The following IFI44L variants were observed in gnomAD, a reference collection of about 807,000 sequenced individuals.
The protein encoded by IFI44L is interferon induced protein 44 like, also known as interferon-induced protein 44-like.
A neutral mutation model predicts 39.3 loss-of-function variants in IFI44L; 40 were observed. The observed-to-expected ratio is 1.02, with a 90% confidence interval of 0.79 to 1.33. IFI44L has a LOEUF of 1.33. Among genes scored for constraint, IFI44L ranks in the 40% most tolerant of loss-of-function variants. The pLI is 0.00. For missense variants in IFI44L, 623 were observed against 549.0 expected, an observed-to-expected ratio of 1.13 and a Z score of -1.35; for synonymous variants, 198 against 182.3, an observed-to-expected ratio of 1.09 and a Z score of -0.69.
At position 78,630,035 on chromosome 1, in the gene IFI44L, T is replaced by C. The variant is rs1457738429; in HGVS notation, c.723+120T>C. 5 of 984,560 alleles carry C rather than the reference T, an allele frequency of 5.1e-6. No individual in the cohort carries two copies. The East Asian group carries it at 1.0e-4, about 21-fold the overall frequency. 61.0% of individuals were successfully genotyped at this position (984,560 alleles called of 1,614,324 possible). A position where few individuals can be genotyped will look rare whatever the true frequency, so the allele number is the denominator to read the frequency against. ...ATTAAATGCTAAATCAAATGGAAAA[T>C]AGGAGTAAAATTTTGATCAGAACCA... On this transcript the variant is annotated intron_variant, in intron 4 of 8. Coordinates refer to ENST00000370751, the MANE Select transcript of IFI44L (RefSeq NM_006820.4).
At chr1:78,627,127 A>AT (rs1286831548) in intron 1 of IFI44L, 3 of 152,060 alleles carry the variant, frequency 2.0e-5, no homozygotes, top group Non-Finnish European at 1.5e-5. Flanking sequence ...CACGTCAGAA[A>AT]TGTGCTCCCA....
chr1:78,638,103 C>T (rs1209595044), intron 6 of IFI44L, among the ~76,000 whole-genome samples: 3 of 152,018 alleles, frequency 2.0e-5, no homozygotes, highest in South Asian at 2.1e-4. Context: ...TATTTGGTAT[C>T]GTTGCTATTA....
chr1:78,627,844 A>G, intron 1 of IFI44L, 62 bp from the exon 2 acceptor site: 1 of 942,326 alleles, frequency 1.1e-6, no homozygotes, highest in Non-Finnish European at 1.4e-6. Context: ...TAGAAGTGGA[A>G]ACCTAAGCTA....
chr1:78,636,119 C>G (rs945671226), intron 5 of IFI44L: 9 of 152,134 alleles, frequency 5.9e-5, no homozygotes, highest in African/African-American at 1.9e-4. Context: ...GTATCAGCCT[C>G]AATTTCTAAA....
chr1:78,633,369 A>C (rs773380872), intron 4 of IFI44L, among the ~76,000 whole-genome samples: 7 of 152,180 alleles, frequency 4.6e-5, no homozygotes, highest in Non-Finnish European at 1.0e-4. Context: ...ATGTGGCCCT[A>C]GGCTTCAAGC....
At chr1:78,632,941 A>G (rs1652807490) in intron 4 of IFI44L, among the ~76,000 whole-genome samples, 1 of 152,200 alleles carries the variant, frequency 6.6e-6, no homozygotes, top group Non-Finnish European at 1.5e-5. Context: ...TGATTAAAAC[A>G]ACACTTAAGA....
rs554397412 is a variant in IFI44L at position 78,627,229 on chromosome 1, A to G, written c.-10-677A>G. 2.0e-5 allele frequency: 3 copies of G among 152,138 alleles called. No individual in the cohort carries two copies. In the South Asian group the frequency reaches 6.2e-4, roughly 32 times the overall value. 9.4% of individuals were successfully genotyped at this position (152,138 alleles called of 1,614,324 possible). ...CCTTGTTTGCTCTTTAGAGCTTTGT[A>G]ACACATGCATTTTTATAGTTTATTC... On this transcript the variant is annotated intron_variant, in intron 1 of 8. Coordinates refer to ENST00000370751, the MANE Select transcript of IFI44L (RefSeq NM_006820.4).
In IFI44L at chr1:78,623,396, G is replaced by GTTTTTTTT. The variant is rs71078508; in HGVS notation, c.-11+2848_-11+2855dup. Among the ~76,000 whole-genome samples the GTTTTTTTT allele has an allele frequency of 9.0e-4, 109 of 121,228 alleles. 1 individual carries two copies. Among genetic ancestry groups the GTTTTTTTT allele is most frequent in the African/African-American group, 1.4e-3 (40 of 28,988 alleles). 79.5% of individuals were successfully genotyped at this position (121,228 alleles called of 152,430 possible). A position where few individuals can be genotyped will look rare whatever the true frequency, so the allele number is the denominator to read the frequency against. ...TCTACTCCTGGTTTAAGTGTTTTTT[G>GTTTTTTTT]TTTTTTTTTTTTTTTTTTTTTTTTT... is the stretch of plus-strand genomic sequence containing the variant. On this transcript the variant is annotated intron_variant, in intron 1 of 8. Coordinates refer to ENST00000370751, the MANE Select transcript of IFI44L (RefSeq NM_006820.4).
Position 78,643,175 on chromosome 1 carries a change from A to T in IFI44L, c.*1366A>T, listed in dbSNP as rs1647008247. The T allele has an allele frequency of 8.1e-6, 1 of 123,654 alleles. No individual in the cohort carries two copies. Among genetic ancestry groups the T allele is most frequent in the Non-Finnish European group, 1.9e-5 (1 of 52,546 alleles). The allele number at this position is 123,654 out of a possible 1,614,324, so 7.7% of individuals were successfully genotyped here. Reference sequence around the variant, plus strand: ...AAGAGTTTCTTATGTCCAGTTATGGAATATTTCCTAAAGCAAGGCTGCAGG... The same window carrying T: ...AAGAGTTTCTTATGTCCAGTTATGGTATATTTCCTAAAGCAAGGCTGCAGG... On this transcript the variant is annotated 3_prime_UTR_variant, in exon 9 of 9. Coordinates refer to ENST00000370751, the MANE Select transcript of IFI44L (RefSeq NM_006820.4).
intron 1 of IFI44L, among the ~76,000 whole-genome samples, chr1:78,624,992 G>A (rs549895830): frequency 2.6e-5 from 4 of 151,424 alleles, no homozygotes; most frequent in South Asian, 2.1e-4. Flanking sequence ...TTAAGTCTAA[G>A]TGAGTTCTTG....
Position 78,642,138 on chromosome 1 carries a change from G to A in IFI44L, c.*329G>A. ...GAGCTATGTGAGTACTAATCACATT[G>A]AATAATAGTTATAAAATTATTGTAT... On this transcript the variant is annotated 3_prime_UTR_variant, in exon 9 of 9. Coordinates refer to ENST00000370751, the MANE Select transcript of IFI44L (RefSeq NM_006820.4). 3.0e-6 allele frequency: 1 copy of A among 330,968 alleles called. No individual in the cohort carries two copies. Among genetic ancestry groups the A allele is most frequent in the Non-Finnish European group, 5.6e-6 (1 of 179,098 alleles). 20.5% of individuals were successfully genotyped at this position (330,968 alleles called of 1,614,324 possible).
chr1:78,622,978 C>T, intron 1 of IFI44L, among the ~76,000 whole-genome samples: 1 of 152,208 alleles, frequency 6.6e-6, no homozygotes, highest in East Asian at 1.9e-4. Context: ...CCCAGAGAAA[C>T]TGTGAGACTA....
intron 6 of IFI44L, among the ~76,000 whole-genome samples, chr1:78,638,982 G>C (rs1653053927): frequency 6.6e-6 from 1 of 152,126 alleles, no homozygotes; most frequent in South Asian, 2.1e-4. Flanking sequence ...AAGATGGAAA[G>C]TACAGGTTTC....
At chr1:78,623,396 GTTTTTTTT>G (rs71078508) in intron 1 of IFI44L, among the ~76,000 whole-genome samples, 35,940 of 122,064 alleles carry the variant, frequency 0.29, 5,310 homozygotes, top group Admixed American at 0.4. Context: ...AGTGTTTTTT[GTTTTTTTT>G]TTTTTTTTTT....
At position 78,635,398 on chromosome 1, in the gene IFI44L, A is replaced by T; in HGVS notation, c.785A>T (p.Asp262Val). 1 of 1,613,122 alleles carries T rather than the reference A, an allele frequency of 6.2e-7. No homozygotes were observed. Residue 262 changes from aspartate (D) to valine (V), a missense_variant, in exon 5 of 9, where the codon GAC (aspartate) becomes GTC (valine). Transcript: ENST00000370751. The stretch of plus-strand genomic sequence containing the variant: ...AAATCTCTGCCATTTATGTTGTGTG[A>T]CACTATGGGGCTAGATGGGGCAGAA... ...NGKSLPFMLC[D>V]TMGLDGAEGA...
At chr1:78,626,159 G>A (rs1057002833) in intron 1 of IFI44L, 2 of 151,522 alleles carry the variant, frequency 1.3e-5, no homozygotes, top group African/African-American at 2.4e-5. Flanking sequence ...CAATACTTCA[G>A]TTGGTAAATT....
At chr1:78,622,108 C>T (rs1456830926) in intron 1 of IFI44L, among the ~76,000 whole-genome samples, 13 of 152,124 alleles carry the variant, frequency 8.5e-5, no homozygotes, top group Admixed American at 8.5e-4. Flanking sequence ...CCTTCCTAGC[C>T]TCCAGTATTT....
chr1:78,637,419 T>C (rs1050420364), intron 6 of IFI44L, among the ~76,000 whole-genome samples: 4 of 152,100 alleles, frequency 2.6e-5, no homozygotes, highest in Non-Finnish European at 4.4e-5. Context: ...ACCATTTTTT[T>C]TTCGTGTGTG....
In IFI44L at chr1:78,627,973, G is replaced by A. The variant is rs1652557534; in HGVS notation, c.58G>A (p.Gly20Arg). ...NDENHLRKLL[G>R]NVSLSLLYKS... ...TGAAAATCATCTGCGCAAGCTGCTT[G>A]GAAATGTTTCTTTGAGTCTTCTCTA... The change falls in exon 2 of 9, where the codon GGA (glycine) becomes AGA (arginine). Residue 20 changes from glycine (G) to arginine (R), a missense_variant. Physicochemically the swap from Gly to Arg is moderately radical, Grantham distance 125. Transcript: ENST00000370751. 1 of 1,610,862 alleles carries A rather than the reference G, an allele frequency of 6.2e-7. No homozygotes were observed. Among genetic ancestry groups the A allele is most frequent in the Non-Finnish European group, 8.5e-7 (1 of 1,178,880 alleles).
Sources: allele counts gnomAD v4.1 joint callset (sites outside exome capture counted in the v4.1 genomes callset), GRCh38; gene constraint gnomAD v4.1.1; transcripts MANE v1.5; gene names NCBI Gene and HGNC (gene_info 2026-07-23, HGNC 2026-07-21).